The following CENPE variants were observed in gnomAD, a reference collection of about 807,000 sequenced individuals.
CENPE encodes centromere protein E.
In CENPE, 145 loss-of-function variants were observed where a neutral mutation model predicts 336.1. The observed-to-expected ratio is 0.43, with a 90% confidence interval of 0.38 to 0.50. The LOEUF (loss-of-function observed/expected upper bound fraction) is 0.50, where lower values mean the gene tolerates loss of function less well. Among genes scored for constraint, CENPE ranks in the 20% least tolerant of loss-of-function variants. CENPE has a pLI of 0.00. For synonymous variants in CENPE, 1,013 were observed against 984.8 expected, an observed-to-expected ratio of 1.03 and a Z score of -0.54; for missense variants, 2,719 against 3,023.3, an observed-to-expected ratio of 0.90 and a Z score of 2.36.
chr4:103,177,562 T>C (rs1426489170), intron 13 of CENPE, among the ~76,000 whole-genome samples: 1 of 151,844 alleles, frequency 6.6e-6, no homozygotes, highest in Non-Finnish European at 1.5e-5. Context: ...ATGATACTTG[T>C]ATCGAGTATC....
chr4:103,127,136 C>A (rs544058469), intron 42 of CENPE, among the ~76,000 whole-genome samples: 204 of 129,144 alleles, frequency 1.6e-3, no homozygotes, highest in Non-Finnish European at 2.6e-3. Flanking sequence ...CGAAAAAAAA[C>A]CCCCAAAAAC....
intron 26 of CENPE, 114 bp downstream of exon 26, chr4:103,151,105 A>T: frequency 1.1e-6 from 1 of 884,944 alleles, no homozygotes; most frequent in Non-Finnish European, 1.8e-6. Flanking sequence ...GCATTGAAAT[A>T]TGTTCATTTG....
chr4:103,144,496 C>T lies in CENPE; in HGVS notation c.4980G>A (p.Leu1660=), dbSNP rs1752846127. Residue 1660 remains leucine, a synonymous_variant, in exon 33 of 49, where the codon CTG becomes CTA. Coordinates refer to ENST00000265148, the MANE Select transcript of CENPE (RefSeq NM_001813.3). The part of the protein sequence containing the change: ...KEQFETQKLN[L]ENIETENIRL... The stretch of plus-strand genomic sequence containing the variant: ...TTATATTCTCCGTTTCTATGTTTTC[C>T]AGGTTTAACTTCTGGGTCTCAAATT... 6.2e-7 allele frequency: 1 copy of T among 1,613,844 alleles called. No homozygotes were observed. The highest frequency in any genetic ancestry group is 1.3e-5 in the African/African-American group (1 of 74,858).
At position 103,145,314 on chromosome 4, in the gene CENPE, T is replaced by C; in HGVS notation, c.4593A>G (p.Lys1531=). 1 of 1,562,970 alleles carries C rather than the reference T, an allele frequency of 6.4e-7. No homozygotes were observed. The highest frequency in any genetic ancestry group is 8.8e-7 in the Non-Finnish European group (1 of 1,142,672). ...LQNKIQEIYE[K]EEQFNIKQIS... is the part of the protein sequence containing the mutation. ...TTTGTTTTATATTAAATTGTTCCTCTTTCTCATAAATCTCTTGGATCTTAA... is the reference window on the plus strand; with the variant it reads ...TTTGTTTTATATTAAATTGTTCCTCCTTCTCATAAATCTCTTGGATCTTAA... Residue 1531 remains lysine, a synonymous_variant, in exon 32 of 49, where the codon AAA becomes AAG. Coordinates refer to ENST00000265148, the MANE Select transcript of CENPE (RefSeq NM_001813.3).
chr4:103,174,404 C>T (rs190462276), intron 16 of CENPE, among the ~76,000 whole-genome samples: 5 of 151,882 alleles, frequency 3.3e-5, no homozygotes, highest in African/African-American at 1.2e-4. Context: ...AGTTAGATAG[C>T]AGGAATAAAT....
At position 103,180,323 on chromosome 4, in the gene CENPE, T is replaced by C; in HGVS notation, c.1230A>G (p.Gln410=). ...CTTTTAATTTTACCTTTAATTCCTG[T>C]TGCAACGTGAGGGAAGAAGAGGTCA... The part of the protein sequence containing the change: ...MLVTSSSLTL[Q]QELKAKRKRR... Residue 410 remains glutamine (Q), a synonymous_variant, in exon 13 of 49, where the codon CAA becomes CAG. Transcript: ENST00000265148. 1 of 1,610,806 alleles carries C rather than the reference T, an allele frequency of 6.2e-7. No homozygotes were observed. The highest frequency in any genetic ancestry group is 1.1e-5 in the South Asian group (1 of 90,364).
At chr4:103,125,015 T>C (rs373294053) in intron 42 of CENPE, among the ~76,000 whole-genome samples, 1 of 152,204 alleles carries the variant, frequency 6.6e-6, no homozygotes, top group African/African-American at 2.4e-5. Context: ...AAATTACAAA[T>C]AGACATGACC....
At chr4:103,178,601 C>A (rs1325346944) in intron 13 of CENPE, among the ~76,000 whole-genome samples, 2 of 152,160 alleles carry the variant, frequency 1.3e-5, no homozygotes, top group Non-Finnish European at 2.9e-5. Flanking sequence ...TATAAGGTGG[C>A]TTTCATCCCC....
chr4:103,159,098 T>C lies in CENPE; in HGVS notation c.2513A>G (p.Glu838Gly), dbSNP rs375435042. 1.3e-4 allele frequency: 211 copies of C among 1,590,742 alleles called. No homozygotes were observed. The highest frequency in any genetic ancestry group is 7.2e-4 in the Admixed American group (39 of 54,098). The change falls in exon 22 of 49, where the codon GAG becomes GGG. Residue 838 changes from glutamate to glycine, a missense_variant. Glu to Gly is a moderately conservative substitution (Grantham distance 98). Transcript: ENST00000265148. ...TTCCTGATTCATTCTCTCATTCTCCTCAAGGACCATCTTATACTTTTGCTC... is the reference window on the plus strand; with the variant it reads ...TTCCTGATTCATTCTCTCATTCTCCCCAAGGACCATCTTATACTTTTGCTC... The part of the protein sequence containing the change: ...DFEQKYKMVL[E>G]ENERMNQEIV...
chr4:103,108,393 T>G (rs1338840592), intron 48 of CENPE, among the ~76,000 whole-genome samples: 1 of 152,186 alleles, frequency 6.6e-6, no homozygotes. Flanking sequence ...ACAATTTTAT[T>G]GACTGAATAA....
chr4:103,185,071 G>A (rs1032434867), intron 9 of CENPE, among the ~76,000 whole-genome samples: 11 of 152,094 alleles, frequency 7.2e-5, no homozygotes, highest in Non-Finnish European at 1.2e-4. Flanking sequence ...TTGGGAGGCC[G>A]AGGTGGGCGG....
At chr4:103,169,878 CA>C (rs889531827) in intron 16 of CENPE, among the ~76,000 whole-genome samples, 1 of 152,134 alleles carries the variant, frequency 6.6e-6, no homozygotes, top group African/African-American at 2.4e-5. Flanking sequence ...GACTTGGAAC[CA>C]ACCCAAATGC....
Position 103,185,867 on chromosome 4 carries a change from AG to A in CENPE, c.694-7del, listed in dbSNP as rs1358890967. 18 of 1,599,072 alleles carry A rather than the reference AG, an allele frequency of 1.1e-5. No individual in the cohort carries two copies. The highest frequency in any genetic ancestry group is 1.4e-5 in the Non-Finnish European group (16 of 1,169,738). ...CCTGCAAGATCAACCAAATTCTGTA[AG>A]ATAGATAAAAATAAATCCTTAGGGC... On this transcript the variant is annotated splice_region_variant and splice_polypyrimidine_tract_variant and intron_variant, in intron 8 of 48. Coordinates refer to ENST00000265148, the MANE Select transcript of CENPE (RefSeq NM_001813.3).
At chr4:103,110,004 C>G (rs550608178) in intron 47 of CENPE, among the ~76,000 whole-genome samples, 31 of 152,288 alleles carry the variant, frequency 2.0e-4, no homozygotes, top group African/African-American at 7.2e-4. Flanking sequence ...TTCTTCTTAA[C>G]TCAAAGCCCG....
chr4:103,119,896 CTAAACTA>C (rs1449238779), intron 44 of CENPE, among the ~76,000 whole-genome samples: 1 of 151,954 alleles, frequency 6.6e-6, no homozygotes, highest in Non-Finnish European at 1.5e-5. Context: ...AAAATATACA[CTAAACTA>C]TAAACAACAT....
chr4:103,187,084 G>T (rs149190480), intron 8 of CENPE, among the ~76,000 whole-genome samples: 38 of 152,304 alleles, frequency 2.5e-4, no homozygotes, highest in African/African-American at 8.9e-4. Context: ...AGAAGCCATT[G>T]CAGGGCTTTA....
chr4:103,119,106 AC>A (rs1306931503), intron 44 of CENPE, among the ~76,000 whole-genome samples: 1 of 152,144 alleles, frequency 6.6e-6, no homozygotes, highest in Non-Finnish European at 1.5e-5. Context: ...AGAACCATGT[AC>A]CCCCTTGTCT....
At chr4:103,151,794 G>C (rs1753592961) in intron 25 of CENPE, among the ~76,000 whole-genome samples, 1 of 152,140 alleles carries the variant, frequency 6.6e-6, no homozygotes, top group Non-Finnish European at 1.5e-5. Flanking sequence ...CCCTCTGCTA[G>C]CATGACTTGG....
At chr4:103,158,117 T>G (rs1754112085) in intron 24 of CENPE, among the ~76,000 whole-genome samples, 183 bp downstream of exon 24, 2 of 151,864 alleles carry the variant, frequency 1.3e-5, no homozygotes, top group African/African-American at 4.8e-5. Context: ...CCCTTTCTAA[T>G]TGATTATAAA....
Sources: gnomAD v4.1 joint callset for allele counts (sites outside exome capture counted in the v4.1 genomes callset) on GRCh38, gnomAD v4.1.1 for gene constraint, MANE v1.5 for transcripts, NCBI Gene and HGNC (gene_info 2026-07-23, HGNC 2026-07-21) for gene names.